The following RAD50 variants were observed in gnomAD, a reference collection of about 807,000 sequenced individuals.
The protein encoded by RAD50 is RAD50 double strand break repair protein.
Under a neutral mutation model 168.8 loss-of-function variants are expected in RAD50, and 132 were observed. The observed-to-expected ratio is 0.78, with a 90% confidence interval of 0.68 to 0.90. The LOEUF (loss-of-function observed/expected upper bound fraction) is 0.90, where lower values mean the gene tolerates loss of function less well. RAD50 is among the 40% of genes least tolerant of loss of function. RAD50 has a pLI of 0.00. For missense variants in RAD50, 1,347 were observed against 1,534.4 expected (o/e 0.88, Z 2.04); for synonymous variants, 525 against 497.4 (o/e 1.06, Z -0.74).
rs554453671 is a variant in RAD50 at position 132,592,664 on chromosome 5, A to G, written c.1793+630A>G. Reference sequence around the variant, plus strand: ...CAAAATGCCTTGAGCATCCCCAACAACTGTTGCCATGACCTTTGCTCTTAT... The same window carrying G: ...CAAAATGCCTTGAGCATCCCCAACAGCTGTTGCCATGACCTTTGCTCTTAT... On this transcript the variant is annotated intron_variant, in intron 11 of 24. Transcript: ENST00000378823. The G allele has an allele frequency of 7.3e-4, 213 of 291,956 alleles. 3 individuals are homozygous for G. Among genetic ancestry groups the G allele is most frequent in the Non-Finnish European group, 6.1e-4 (84 of 138,704 alleles). The allele number at this position is 291,956 out of a possible 1,614,324, so 18.1% of individuals were successfully genotyped here.
chr5:132,571,519 G>A (rs1379833228), intron 2 of RAD50, among the ~76,000 whole-genome samples: 1 of 152,060 alleles, frequency 6.6e-6, no homozygotes, highest in Non-Finnish European at 1.5e-5. Context: ...AGAGATTGAA[G>A]TTAGTCTAGG....
At chr5:132,560,926 A>G (rs868136850) in intron 2 of RAD50, among the ~76,000 whole-genome samples, 2 of 152,244 alleles carry the variant, frequency 1.3e-5, no homozygotes, top group Non-Finnish European at 1.5e-5. Context: ...TCTTTACTTC[A>G]TTGACTCCCA....
intron 11 of RAD50, among the ~76,000 whole-genome samples, chr5:132,593,897 A>G (rs1172677257): frequency 6.6e-6 from 1 of 152,196 alleles, no homozygotes; most frequent in Non-Finnish European, 1.5e-5. Context: ...CCAGGGAACC[A>G]GGGTGAGAGC....
chr5:132,616,948 G>C (rs769583862), intron 20 of RAD50, among the ~76,000 whole-genome samples: 1 of 152,174 alleles, frequency 6.6e-6, no homozygotes, highest in African/African-American at 2.4e-5. Flanking sequence ...GGTTAATCCT[G>C]TGTTTTGGTT....
At chr5:132,586,352 G>A (rs895677844) in intron 5 of RAD50, among the ~76,000 whole-genome samples, 1 of 152,126 alleles carries the variant, frequency 6.6e-6, no homozygotes, top group African/African-American at 2.4e-5. Flanking sequence ...CTTTTGTGAG[G>A]ATTAGAGAGA....
In RAD50 at chr5:132,643,260, GACCTGGAAGA is replaced by G. The variant is rs1443143422; in HGVS notation, c.*899_*908del. ...GCCTGCTCCCTGTAGGGTCCAACCAGACCTGGAAGAACAGGCCTCTCCATTTGCTCTTCAG... is the reference window on the plus strand; with the variant it reads ...GCCTGCTCCCTGTAGGGTCCAACCAGACAGGCCTCTCCATTTGCTCTTCAG... On this transcript the variant is annotated 3_prime_UTR_variant, in exon 25 of 25. Coordinates refer to ENST00000378823, the MANE Select transcript of RAD50 (RefSeq NM_005732.4). 3.8e-6 allele frequency: 1 copy of G among 264,742 alleles called. No homozygotes were observed. The highest frequency in any genetic ancestry group is 7.7e-6 in the Non-Finnish European group (1 of 129,100). 16.4% of individuals were successfully genotyped at this position (264,742 alleles called of 1,614,324 possible).
At chr5:132,619,481 C>A (rs1405148902) in intron 21 of RAD50, among the ~76,000 whole-genome samples, 2 of 151,928 alleles carry the variant, frequency 1.3e-5, no homozygotes, top group African/African-American at 4.8e-5. Flanking sequence ...TTCAGTGTAA[C>A]CTCAAACTCC....
intron 21 of RAD50, among the ~76,000 whole-genome samples, chr5:132,624,217 T>C (rs776827093): frequency 2.6e-5 from 4 of 152,330 alleles, no homozygotes; most frequent in South Asian, 2.1e-4. Flanking sequence ...ATGAGAACTT[T>C]TGTTTTTTAA....
At chr5:132,598,889 C>T (rs1015126719) in intron 13 of RAD50, among the ~76,000 whole-genome samples, 1 of 152,118 alleles carries the variant, frequency 6.6e-6, no homozygotes, top group African/African-American at 2.4e-5. Flanking sequence ...ACAGAAACTC[C>T]CAAGATTCAG....
chr5:132,626,476 T>G (rs1245634844), intron 21 of RAD50, among the ~76,000 whole-genome samples: 1 of 152,170 alleles, frequency 6.6e-6, no homozygotes, highest in African/African-American at 2.4e-5. Flanking sequence ...ATAGAATTTT[T>G]AAAAATCTAT....
intron 2 of RAD50, among the ~76,000 whole-genome samples, chr5:132,564,098 T>G (rs1750167899): frequency 6.6e-6 from 1 of 152,128 alleles, no homozygotes; most frequent in East Asian, 1.9e-4. Flanking sequence ...AACAGACTAA[T>G]GCAGAAAGTT....
chr5:132,575,938 T>G lies in RAD50; in HGVS notation c.365+10T>G. ...TCATTACTAGAACAAAGTAGGTGTT[T>G]ATATGATATTTGAATTTCTGTTCAT... On this transcript the variant is annotated intron_variant, in intron 3 of 24. Coordinates refer to ENST00000378823, the MANE Select transcript of RAD50 (RefSeq NM_005732.4). 6.3e-7 allele frequency: 1 copy of G among 1,591,120 alleles called. No individual in the cohort carries two copies.
At position 132,637,170 on chromosome 5, in the gene RAD50, G is replaced by A. The variant is rs1391832085; in HGVS notation, c.3445G>A (p.Asp1149Asn). Residue 1149 changes from aspartate to asparagine, a missense_variant, in exon 22 of 25, where the codon GAC becomes AAC. Transcript: ENST00000378823. ...GGAAGAAATCAATAAAATTATACGT[G>A]ACCTGTGGCGAAGTACCTATCGTGG... ...KMEEINKIIR[D>N]LWRSTYRGQD... The A allele has an allele frequency of 2.5e-6, 4 of 1,612,228 alleles. No homozygotes were observed. Among genetic ancestry groups the A allele is most frequent in the Non-Finnish European group, 3.4e-6 (4 of 1,179,008 alleles).
rs773126534 is a variant in RAD50 at position 132,595,595 on chromosome 5, A to T, written c.1992A>T (p.Ala664=). The T allele has an allele frequency of 6.2e-7, 1 of 1,613,220 alleles. No individual in the cohort carries two copies. Among genetic ancestry groups the T allele is most frequent in the Non-Finnish European group, 8.5e-7 (1 of 1,179,270 alleles). Residue 664 remains alanine (A), a synonymous_variant, in exon 13 of 25, where the codon GCA becomes GCT. Coordinates refer to ENST00000378823, the MANE Select transcript of RAD50 (RefSeq NM_005732.4). ...TAGCCATGCTGGCTGGAGCCACAGCAGTTTACTCCCAGTTCATTACTCAGC... is the reference window on the plus strand; with the variant it reads ...TAGCCATGCTGGCTGGAGCCACAGCTGTTTACTCCCAGTTCATTACTCAGC... ...KQRAMLAGAT[A]VYSQFITQLT... is the part of the protein sequence containing the mutation.
At chr5:132,610,027 GTATA>G (rs10598599) in intron 19 of RAD50, among the ~76,000 whole-genome samples, 6 of 148,476 alleles carry the variant, frequency 4.0e-5, no homozygotes, top group African/African-American at 1.5e-4. Context: ...AGGTGTGTGT[GTATA>G]TATATATATA....
chr5:132,568,669 C>G (rs950434503), intron 2 of RAD50, among the ~76,000 whole-genome samples: 5 of 152,112 alleles, frequency 3.3e-5, no homozygotes, highest in Non-Finnish European at 7.4e-5. Flanking sequence ...AACCTGAAAA[C>G]AGTGGGACAG....
chr5:132,564,708 A>C (rs1750177880), intron 2 of RAD50, among the ~76,000 whole-genome samples: 2 of 152,200 alleles, frequency 1.3e-5, no homozygotes, highest in East Asian at 1.9e-4. Flanking sequence ...TTTAATAGCC[A>C]AGACACTGGG....
chr5:132,588,616 G>C (rs1476599897), intron 7 of RAD50, 71 bp from the exon 8 acceptor site: 1 of 1,409,790 alleles, frequency 7.1e-7, no homozygotes, highest in South Asian at 1.3e-5. Flanking sequence ...TTTATAACTC[G>C]TGAATCTGCA....
At position 132,640,804 on chromosome 5, in the gene RAD50, G is replaced by GAGTA; in HGVS notation, c.3752+4_3752+7dup. Reference sequence around the variant, plus strand: ...TGAATCTCTTGCACATGCTCTGGTTGAGTAAGTATCTCTTGCACATGCTCT... The same window carrying GAGTA: ...TGAATCTCTTGCACATGCTCTGGTTGAGTAAGTAAGTATCTCTTGCACATGCTCT... On this transcript the variant is annotated stop_gained and frameshift_variant and splice_region_variant, in exon 24 of 25. Coordinates refer to ENST00000378823, the MANE Select transcript of RAD50 (RefSeq NM_005732.4). LOFTEE classifies it high-confidence loss of function. 3 of 1,613,206 alleles carry GAGTA rather than the reference G, an allele frequency of 1.9e-6. No individual in the cohort carries two copies. The highest frequency in any genetic ancestry group is 2.2e-5 in the East Asian group (1 of 44,834).
Sources: gnomAD v4.1 joint callset for allele counts (sites outside exome capture counted in the v4.1 genomes callset) on GRCh38, gnomAD v4.1.1 for gene constraint, MANE v1.5 for transcripts, NCBI Gene and HGNC (gene_info 2026-07-23, HGNC 2026-07-21) for gene names.